The following FAM50B variants were observed in gnomAD, a reference collection of about 807,000 sequenced individuals.
FAM50B encodes protein FAM50B.
A neutral mutation model predicts 25.4 loss-of-function variants in FAM50B; 9 were observed. The ratio of observed to expected loss-of-function variants is 0.35; its 90% CI spans 0.21 to 0.62. The LOEUF (loss-of-function observed/expected upper bound fraction) is 0.62, where lower values mean the gene tolerates loss of function less well. Among genes scored for constraint, FAM50B ranks in the 20% least tolerant of loss-of-function variants. The pLI is 0.73. For synonymous variants in FAM50B, 212 were observed against 204.3 expected (o/e 1.04, Z -0.32); for missense variants, 372 against 477.9 (o/e 0.78, Z 2.07).
upstream of FAM50B, among the ~76,000 whole-genome samples, chr6:3,848,399 A>G (rs7740880): frequency 0.13 from 19,541 of 152,222 alleles, 2,893 homozygotes; most frequent in African/African-American, 0.36. Context: ...CTGTGGAGGA[A>G]CGTCATTCCA....
At chr6:3,832,974 G>A in the FAM50B span, among the ~76,000 whole-genome samples, 1 of 151,874 alleles carries the variant, frequency 6.6e-6, no homozygotes, top group East Asian at 1.9e-4. Context: ...CGATTCTCCC[G>A]TCTCAGCCCC....
At chr6:3,849,746 G>A in intron 1 of FAM50B, 43 bp from the exon 2 acceptor site, 3 of 1,510,502 alleles carry the variant, frequency 2.0e-6, no homozygotes, top group Admixed American at 4.0e-5. Flanking sequence ...CCGCCGTTGC[G>A]TGGGCCCCCC....
At chr6:3,836,260 C>A in the FAM50B span, among the ~76,000 whole-genome samples, 1 of 152,190 alleles carries the variant, frequency 6.6e-6, no homozygotes, top group African/African-American at 2.4e-5. Flanking sequence ...CTTGGCAATT[C>A]TTGTATAGAG....
chr6:3,844,062 G>A, the FAM50B span, among the ~76,000 whole-genome samples: 1 of 152,240 alleles, frequency 6.6e-6, no homozygotes, highest in African/African-American at 2.4e-5. Context: ...CTGGTGGAAA[G>A]CAACATGAAA....
rs963137000 is a variant in FAM50B at position 3,849,676 on chromosome 6, C to T, written c.-23-113C>T. ...TGGTTACCCTAGCAGGTCGGCCCAG[C>T]CCCTGAACGCTTCCATCACTGCCGA... On this transcript the variant is annotated intron_variant, in intron 1 of 1. Coordinates refer to ENST00000648326, the MANE Select transcript of FAM50B (RefSeq NM_012135.3). 2.8e-5 allele frequency: 40 copies of T among 1,416,384 alleles called. 1 individual carries two copies. In the South Asian group the frequency reaches 5.1e-4, roughly 18 times the overall value. 87.7% of individuals were successfully genotyped at this position (1,416,384 alleles called of 1,614,324 possible).
chr6:3,850,567 C>T lies in FAM50B; in HGVS notation c.756C>T (p.Asp252=). 1 of 1,614,134 alleles carries T rather than the reference C, an allele frequency of 6.2e-7. No homozygotes were observed. Residue 252 remains aspartate (D), a synonymous_variant, in exon 2 of 2, where the codon GAC becomes GAT. Transcript: ENST00000648326. ...LILPHYHTFY[D]FIIARARGKS... ...TGCCGCACTACCACACCTTCTACGA[C>T]TTCATCATCGCCAGGGCGAGGGGCA...
In FAM50B at chr6:3,850,104, G is replaced by A. The variant is rs117488732; in HGVS notation, c.293G>A (p.Arg98Gln). The change falls in exon 2 of 2, where the codon CGG becomes CAG. Residue 98 changes from arginine to glutamine, a missense_variant. Coordinates refer to ENST00000648326, the MANE Select transcript of FAM50B (RefSeq NM_012135.3). ...AAGCGCCAGCACCTGGAGGAGCAGCGGCTGCAGCAGGAGCGGCAGCGGGAG... is the reference window on the plus strand; with the variant it reads ...AAGCGCCAGCACCTGGAGGAGCAGCAGCTGCAGCAGGAGCGGCAGCGGGAG... ...LAKRQHLEEQ[R>Q]LQQERQREQE... The A allele has an allele frequency of 0.014, 21,884 of 1,609,472 alleles. 228 individuals carry two copies. The highest frequency in any genetic ancestry group is 0.018 in the East Asian group (797 of 44,758).
the FAM50B span, among the ~76,000 whole-genome samples, chr6:3,843,750 C>T: frequency 6.6e-6 from 1 of 152,186 alleles, no homozygotes. Flanking sequence ...ACCCTTTATT[C>T]GAAAGCGTGC....
At position 3,851,017 on chromosome 6, in the gene FAM50B, G is replaced by C. The variant is rs780588594; in HGVS notation, c.*228G>C. 1 of 650,808 alleles carries C rather than the reference G, an allele frequency of 1.5e-6. No homozygotes were observed. The highest frequency in any genetic ancestry group is 2.6e-6 in the Non-Finnish European group (1 of 384,290). 40.3% of individuals were successfully genotyped at this position (650,808 alleles called of 1,614,324 possible). On this transcript the variant is annotated 3_prime_UTR_variant, in exon 2 of 2. Transcript: ENST00000648326. The stretch of plus-strand genomic sequence containing the variant: ...CCACCTGGATTTGCTGCATTGCTCT[G>C]CTGAGCTGTATTGAAACCATGACTG...
At chr6:3,833,254 T>G in the FAM50B span, among the ~76,000 whole-genome samples, 1 of 152,214 alleles carries the variant, frequency 6.6e-6, no homozygotes. Flanking sequence ...TTTAGGATAC[T>G]GGTAAGAGCT....
At chr6:3,848,148 C>G (rs1251359866), upstream of FAM50B, among the ~76,000 whole-genome samples, 1 of 152,218 alleles carries the variant, frequency 6.6e-6, no homozygotes, top group Admixed American at 6.5e-5. Context: ...GCACATGCTG[C>G]TGGAAAAATG....
chr6:3,840,959 T>C, the FAM50B span, among the ~76,000 whole-genome samples: 12 of 152,370 alleles, frequency 7.9e-5, no homozygotes, highest in Admixed American at 3.9e-4. Context: ...AACCAGCTCA[T>C]GTCTTTTTAT....
chr6:3,838,397 G>A, the FAM50B span, among the ~76,000 whole-genome samples: 1 of 152,044 alleles, frequency 6.6e-6, no homozygotes, highest in Non-Finnish European at 1.5e-5. Context: ...CATACAATCG[G>A]GCGCTACTCA....
the FAM50B span, among the ~76,000 whole-genome samples, chr6:3,837,538 T>C: frequency 1.3e-5 from 2 of 152,198 alleles, no homozygotes; most frequent in African/African-American, 4.8e-5. Flanking sequence ...TACGTACCTA[T>C]TAAGTAGAAT....
the FAM50B span, among the ~76,000 whole-genome samples, chr6:3,839,511 G>A: frequency 6.6e-6 from 1 of 151,458 alleles, no homozygotes; most frequent in African/African-American, 2.4e-5. Flanking sequence ...TGACTCAAAG[G>A]GATAATACAA....
At chr6:3,836,420 T>C in the FAM50B span, among the ~76,000 whole-genome samples, 1 of 152,218 alleles carries the variant, frequency 6.6e-6, no homozygotes, top group African/African-American at 2.4e-5. Context: ...CAGGAAGCTT[T>C]CACCTTTTAC....
At chr6:3,836,824 C>T in the FAM50B span, among the ~76,000 whole-genome samples, 1 of 152,184 alleles carries the variant, frequency 6.6e-6, no homozygotes, top group South Asian at 2.1e-4. Flanking sequence ...GAGCCTGAGT[C>T]TACTGAAGGA....
At chr6:3,848,482 G>A (rs1418695050), upstream of FAM50B, among the ~76,000 whole-genome samples, 1 of 152,156 alleles carries the variant, frequency 6.6e-6, no homozygotes, top group African/African-American at 2.4e-5. Flanking sequence ...CTGGATATGT[G>A]GGTGCCATAT....
Position 3,850,718 on chromosome 6 carries a change from C to T in FAM50B, c.907C>T (p.His303Tyr). Residue 303 changes from histidine to tyrosine, a missense_variant, in exon 2 of 2, where the codon CAC (histidine) becomes TAC (tyrosine). Around this residue, in one of 4 missense-constraint regions of FAM50B, gnomAD observed 57 missense variants for 65.8 expected, o/e 0.87. Transcript: ENST00000648326. ...GCGCAGCTGGTACGAGAAGAACAAG[C>T]ACATCTTCCCCGCCAGCCGCTGGGA... ...VLRSWYEKNK[H>Y]IFPASRWEAY... 6 of 1,614,078 alleles carry T rather than the reference C, an allele frequency of 3.7e-6. No individual in the cohort carries two copies. The highest frequency in any genetic ancestry group is 5.1e-6 in the Non-Finnish European group (6 of 1,180,032).
Sources: allele counts gnomAD v4.1 joint callset (sites outside exome capture counted in the v4.1 genomes callset), GRCh38; gene constraint gnomAD v4.1.1; regional missense constraint gnomAD v4.1.1; transcripts MANE v1.5; gene names NCBI Gene and HGNC (gene_info 2026-07-23, HGNC 2026-07-21).